ROR1: variants seen among roughly 807,000 people sequenced by gnomAD.
ROR1 encodes ROR family WNT receptor 1, also known as inactive tyrosine-protein kinase transmembrane receptor ROR1.
Under a neutral mutation model 78.8 loss-of-function variants are expected in ROR1, and 19 were observed. The ratio of observed to expected loss-of-function variants is 0.24; its 90% CI spans 0.17 to 0.35. ROR1 has a LOEUF of 0.35. ROR1 is among the 10% of genes least tolerant of loss of function. The pLI is 1.00. For synonymous variants in ROR1, 386 were observed against 433.6 expected (o/e 0.89, Z 1.36); for missense variants, 917 against 1,177.8 (o/e 0.78, Z 3.24).
In ROR1 at chr1:63,821,796, C is replaced by T. The variant is rs540337446; in HGVS notation, c.91+47288C>T. 2.0e-5 allele frequency among the ~76,000 whole-genome samples: 3 copies of T among 152,296 alleles called. No homozygotes were observed. The East Asian group carries it at 5.8e-4, about 29-fold the overall frequency. Reference sequence around the variant, plus strand: ...ATATTTTGGCCGGAGGAAAATGTAGCTTAAGAAAAGTCCCAGCTGGTTCAA... The same window carrying T: ...ATATTTTGGCCGGAGGAAAATGTAGTTTAAGAAAAGTCCCAGCTGGTTCAA... On this transcript the variant is annotated intron_variant, in intron 1 of 8. Transcript: ENST00000371079.
intron 1 of ROR1, among the ~76,000 whole-genome samples, chr1:63,973,079 G>T (rs894890054): frequency 2.6e-5 from 4 of 152,152 alleles, no homozygotes; most frequent in African/African-American, 7.2e-5. Context: ...CCCCATGTGG[G>T]TCTCACCCAC....
At chr1:64,040,096 G>T (rs1217082510) in intron 2 of ROR1, among the ~76,000 whole-genome samples, 1 of 152,176 alleles carries the variant, frequency 6.6e-6, no homozygotes, top group African/African-American at 2.4e-5. Flanking sequence ...GAATGTAGAT[G>T]TACCCTAAAC....
intron 1 of ROR1, among the ~76,000 whole-genome samples, chr1:63,776,481 A>G (rs762651351): frequency 1.3e-5 from 2 of 152,208 alleles, no homozygotes; most frequent in African/African-American, 4.8e-5. Flanking sequence ...TGATGGGTAC[A>G]TGACTGGGGG....
chr1:63,871,004 A>G (rs989205099), intron 1 of ROR1, among the ~76,000 whole-genome samples: 3 of 152,220 alleles, frequency 2.0e-5, no homozygotes, highest in Non-Finnish European at 4.4e-5. Flanking sequence ...AGATAATTAC[A>G]TTGCCCACCT....
chr1:64,036,631 A>C (rs1388722631), intron 2 of ROR1, among the ~76,000 whole-genome samples: 3 of 152,218 alleles, frequency 2.0e-5, no homozygotes, highest in Non-Finnish European at 2.9e-5. Context: ...AATCTGTCAC[A>C]AGATACTTCT....
rs530978509 is a variant in ROR1, at chr1:63,775,167, G to A, written c.91+659G>A. The A allele has an allele frequency of 2.3e-3, 357 of 152,306 alleles. 1 individual carries two copies. Among genetic ancestry groups the A allele is most frequent in the Non-Finnish European group, 4.1e-3 (280 of 68,052 alleles). The allele number at this position is 152,306 out of a possible 1,614,324, so 9.4% of individuals were successfully genotyped here. A position where few individuals can be genotyped will look rare whatever the true frequency, so the allele number is the denominator to read the frequency against. On this transcript the variant is annotated intron_variant, in intron 1 of 8. Coordinates refer to ENST00000371079, the MANE Select transcript of ROR1 (RefSeq NM_005012.4). Reference sequence around the variant, plus strand: ...GGCCTGCGGCTCCAAAGTGCTTTGGGTGTGCACGCGCGCGCGCGCGCGTGT... The same window carrying A: ...GGCCTGCGGCTCCAAAGTGCTTTGGATGTGCACGCGCGCGCGCGCGCGTGT...
intron 1 of ROR1, among the ~76,000 whole-genome samples, chr1:63,966,289 G>A (rs1403739722): frequency 6.6e-6 from 1 of 152,216 alleles, no homozygotes; most frequent in Non-Finnish European, 1.5e-5. Flanking sequence ...TTCCTGGAGT[G>A]TTGGCTGTGC....
chr1:63,802,276 G>A (rs1557503757), intron 1 of ROR1, among the ~76,000 whole-genome samples: 1 of 152,128 alleles, frequency 6.6e-6, no homozygotes, highest in Non-Finnish European at 1.5e-5. Context: ...TGCATGGCTT[G>A]TCCAGGAGCA....
At chr1:64,119,184 C>T (rs539033776) in intron 4 of ROR1, among the ~76,000 whole-genome samples, 2 of 152,234 alleles carry the variant, frequency 1.3e-5, no homozygotes, top group South Asian at 2.1e-4. Context: ...GGAATTTTGG[C>T]GTTTATTGTT....
chr1:64,047,764 T>C (rs1326753140), intron 2 of ROR1, among the ~76,000 whole-genome samples: 2 of 152,140 alleles, frequency 1.3e-5, no homozygotes, highest in African/African-American at 4.8e-5. Flanking sequence ...GTGGATTGAG[T>C]ATAGATGTAT....
chr1:63,932,319 T>C (rs1273231471), intron 1 of ROR1, among the ~76,000 whole-genome samples: 1 of 152,068 alleles, frequency 6.6e-6, no homozygotes, highest in Non-Finnish European at 1.5e-5. Context: ...AGTGGGTTGA[T>C]GGAGTCCCAT....
chr1:63,931,380 C>T (rs1645751439), intron 1 of ROR1, among the ~76,000 whole-genome samples: 2 of 152,102 alleles, frequency 1.3e-5, no homozygotes, highest in African/African-American at 4.8e-5. Context: ...GCTCTGAGGT[C>T]AGACAAAATG....
intron 2 of ROR1, among the ~76,000 whole-genome samples, chr1:64,026,767 C>T (rs964344841): frequency 9.9e-5 from 15 of 152,118 alleles, no homozygotes; most frequent in Admixed American, 9.8e-4. Flanking sequence ...CATCAGATCT[C>T]ATGAGAACTC....
At chr1:63,878,181 A>G (rs374830287) in intron 1 of ROR1, among the ~76,000 whole-genome samples, 7 of 152,278 alleles carry the variant, frequency 4.6e-5, no homozygotes, top group African/African-American at 1.7e-4. Flanking sequence ...CTTCAGTAGC[A>G]TGGAGTGTAT....
chr1:64,129,133 T>A (rs1648822224), intron 4 of ROR1, among the ~76,000 whole-genome samples: 1 of 152,188 alleles, frequency 6.6e-6, no homozygotes, highest in South Asian at 2.1e-4. Flanking sequence ...AGTCTTTTTT[T>A]AACCACCATC....
intron 4 of ROR1, among the ~76,000 whole-genome samples, chr1:64,071,980 C>T (rs1319734734): frequency 6.6e-6 from 1 of 152,158 alleles, no homozygotes; most frequent in Non-Finnish European, 1.5e-5. Flanking sequence ...CCCTATGTTA[C>T]ACTATGTTGT....
At chr1:63,897,713 C>T (rs1359710697) in intron 1 of ROR1, among the ~76,000 whole-genome samples, 1 of 152,182 alleles carries the variant, frequency 6.6e-6, no homozygotes, top group Non-Finnish European at 1.5e-5. Context: ...ATATCTGCTA[C>T]ATAGAAGTGC....
chr1:63,962,565 C>T (rs918843019), intron 1 of ROR1, among the ~76,000 whole-genome samples: 1 of 152,158 alleles, frequency 6.6e-6, no homozygotes, highest in African/African-American at 2.4e-5. Flanking sequence ...TGAGAAAAGC[C>T]TCCCTGGAGT....
At chr1:63,985,181 T>C (rs1157112519) in intron 1 of ROR1, among the ~76,000 whole-genome samples, 2 of 152,174 alleles carry the variant, frequency 1.3e-5, no homozygotes, top group Non-Finnish European at 2.9e-5. Context: ...GATCTCAATT[T>C]GTTGTGTCTA....
Sources: allele counts gnomAD v4.1 joint callset (sites outside exome capture counted in the v4.1 genomes callset), GRCh38; gene constraint gnomAD v4.1.1; transcripts MANE v1.5; gene names NCBI Gene and HGNC (gene_info 2026-07-23, HGNC 2026-07-21).